The following KCNQ1 variants were observed in gnomAD, a reference collection of about 807,000 sequenced individuals.
KCNQ1 encodes the protein potassium voltage-gated channel subfamily Q member 1, also known as potassium voltage-gated channel subfamily KQT member 1.
A neutral mutation model predicts 72.4 loss-of-function variants in KCNQ1; 49 were observed. The ratio of observed to expected loss-of-function variants is 0.68; its 90% confidence interval spans 0.54 to 0.86. The LOEUF (loss-of-function observed/expected upper bound fraction) is 0.86, where lower values mean the gene tolerates loss of function less well. KCNQ1 is among the 40% of genes least tolerant of loss of function. KCNQ1 has a pLI of 0.00. For missense variants in KCNQ1, 790 were observed against 945.1 expected, an observed-to-expected ratio of 0.84 and a Z score of 2.15; for synonymous variants, 450 against 412.6, an observed-to-expected ratio of 1.09 and a Z score of -1.10.
intron 11 of KCNQ1, chr11:2,675,927 T>C (rs183159598): frequency 2.5e-6 from 1 of 398,648 alleles, no homozygotes; most frequent in East Asian, 3.6e-5. Context: ...TACAACAGTC[T>C]TTACACACAT....
rs1167930553 is a variant in KCNQ1 at position 2,482,482 on chromosome 11, G to A, written c.386+36998G>A. Among the ~76,000 whole-genome samples, 1 of 152,024 alleles carries A rather than the reference G, an allele frequency of 6.6e-6. No individual in the cohort carries two copies. The highest frequency in any genetic ancestry group is 2.4e-5 in the African/African-American group (1 of 41,390). ...ATCCTTGTACACTCATTTTTGCCTG[G>A]AACTCAAGATTATTTCCTTGGGTCA... On this transcript the variant is annotated intron_variant, in intron 1 of 15. Transcript: ENST00000155840. This position sits in a 1 kb window ranked among gnomAD's most constrained non-coding sequence, Gnocchi z 5.7.
Position 2,477,932 on chromosome 11 carries a change from G to GGGGTTC in KCNQ1, c.386+32449_386+32454dup, listed in dbSNP as rs1481248233. On this transcript the variant is annotated intron_variant, in intron 1 of 15. Transcript: ENST00000155840. The surrounding 1 kb of genome is among the most constrained non-coding windows in gnomAD (Gnocchi z 5.0). ...TCAAGGAAACCCCGTGGCAGGGGCA[G>GGGGTTC]GGGTTCAAAGAGCTGGTGGTTGTAG... Among the ~76,000 whole-genome samples the GGGGTTC allele has an allele frequency of 1.3e-5, 2 of 152,178 alleles. No individual in the cohort carries two copies. The highest frequency in any genetic ancestry group is 4.8e-5 in the African/African-American group (2 of 41,444).
chr11:2,466,382 G>A (rs1056335304), intron 1 of KCNQ1, among the ~76,000 whole-genome samples: 2 of 152,164 alleles, frequency 1.3e-5, no homozygotes, highest in African/African-American at 4.8e-5. Flanking sequence ...AGGAGGAGGG[G>A]GGCTCCCAGA....
chr11:2,662,495 C>T (rs1849979827), intron 11 of KCNQ1: 1 of 447,962 alleles, frequency 2.2e-6, no homozygotes, highest in Non-Finnish European at 3.9e-6. Flanking sequence ...CTGCTGCTGT[C>T]CTCAGGGGCT....
At chr11:2,521,226 C>T (rs1847376664) in intron 1 of KCNQ1, among the ~76,000 whole-genome samples, 2 of 152,152 alleles carry the variant, frequency 1.3e-5, no homozygotes, top group African/African-American at 4.8e-5. Flanking sequence ...ACTCCCTCTC[C>T]CCGGCCCCGC....
At position 2,653,185 on chromosome 11, in the gene KCNQ1, C is replaced by G. The variant is rs921159101; in HGVS notation, c.1394-8776C>G. The G allele has an allele frequency of 7.5e-6, 3 of 398,614 alleles. No individual in the cohort carries two copies. Among genetic ancestry groups the G allele is most frequent in the African/African-American group, 2.1e-5 (1 of 48,654 alleles). 24.7% of individuals were successfully genotyped at this position (398,614 alleles called of 1,614,324 possible). ...CTTAGGAAATCCCTTTCCAAGAGTT[C>G]CCTGTGCTGTTGCAGGGCTAGGGCC... On this transcript the variant is annotated intron_variant, in intron 10 of 15. Coordinates refer to ENST00000155840, the MANE Select transcript of KCNQ1 (RefSeq NM_000218.3). The surrounding 1 kb of genome is among the most constrained non-coding windows in gnomAD (Gnocchi z 5.3).
chr11:2,688,997 G>A, intron 11 of KCNQ1: 1 of 398,746 alleles, frequency 2.5e-6, no homozygotes, highest in East Asian at 3.6e-5. Context: ...AGGGGAGCCT[G>A]CAGGTCCCTG....
chr11:2,474,316 G>A (rs1287119433), intron 1 of KCNQ1, among the ~76,000 whole-genome samples: 6 of 152,126 alleles, frequency 3.9e-5, no homozygotes, highest in South Asian at 2.1e-4. Context: ...GGAAGAGGGC[G>A]AGGGTGAGCC....
At chr11:2,619,252 C>T in intron 10 of KCNQ1, 1 of 398,478 alleles carries the variant, frequency 2.5e-6, no homozygotes. Context: ...TTGCCTTGTA[C>T]TGGTTCATAG....
chr11:2,821,657 G>C (rs1847740619), intron 15 of KCNQ1, among the ~76,000 whole-genome samples: 1 of 152,140 alleles, frequency 6.6e-6, no homozygotes, highest in African/African-American at 2.4e-5. Context: ...CTGCCCTTCT[G>C]CTGGAAACCC....
intron 4 of KCNQ1, 133 bp from the exon 5 acceptor site, chr11:2,571,880 C>A: frequency 1.4e-6 from 1 of 732,352 alleles, no homozygotes. Flanking sequence ...GACATATACC[C>A]AGCCTCCCCA....
At chr11:2,776,095 C>T in intron 13 of KCNQ1, 41 bp downstream of exon 13, 1 of 1,489,222 alleles carries the variant, frequency 6.7e-7, no homozygotes, top group South Asian at 1.2e-5. Flanking sequence ...TGCCCAGGTC[C>T]TGCCCAGCCC....
rs542398915 is a variant in KCNQ1 at position 2,827,703 on chromosome 11, C to T, written c.1795-20064C>T. On this transcript the variant is annotated intron_variant, in intron 15 of 15. Transcript: ENST00000155840. This position sits in a 1 kb window ranked among gnomAD's most constrained non-coding sequence, Gnocchi z 6.7. Reference sequence around the variant, plus strand: ...CTGTTTTGCCAGAGGGAAAATTCCACATGTGGCTTGGAGGCCAGACCAGAA... The same window carrying T: ...CTGTTTTGCCAGAGGGAAAATTCCATATGTGGCTTGGAGGCCAGACCAGAA... Among the ~76,000 whole-genome samples, 14 of 151,890 alleles carry T rather than the reference C, an allele frequency of 9.2e-5. No individual in the cohort carries two copies. Among genetic ancestry groups the T allele is most frequent in the Non-Finnish European group, 1.8e-4 (12 of 67,998 alleles).
In KCNQ1 at chr11:2,495,298, T is replaced by C. The variant is rs1057277528; in HGVS notation, c.387-32630T>C. 1.3e-5 allele frequency among the ~76,000 whole-genome samples: 2 copies of C among 152,202 alleles called. No individual in the cohort carries two copies. The highest frequency in any genetic ancestry group is 1.5e-5 in the Non-Finnish European group (1 of 68,044). ...TTCAAAAAACCAGCTCCTGGATTCA[T>C]TGATTTTTTTGGAAGGGTTTTTCAT... is the stretch of plus-strand genomic sequence containing the variant. On this transcript the variant is annotated intron_variant, in intron 1 of 15. Transcript: ENST00000155840. This position sits in a 1 kb window ranked among gnomAD's most constrained non-coding sequence, Gnocchi z 4.6.
intron 2 of KCNQ1, among the ~76,000 whole-genome samples, chr11:2,528,287 C>G (rs979999628): frequency 3.3e-5 from 5 of 152,182 alleles, no homozygotes; most frequent in African/African-American, 1.2e-4. Context: ...GGCTTCCAGG[C>G]TGGGCTGGAA....
rs1207432893 is a variant in KCNQ1, at chr11:2,488,028, A to G, written c.387-39900A>G. ...TTCACATATGGTTTTTATTATGTTA[A>G]GGTAGTTTCCTTCTATTCCTAGTTT... On this transcript the variant is annotated intron_variant, in intron 1 of 15. Transcript: ENST00000155840. The surrounding 1 kb of genome is among the most constrained non-coding windows in gnomAD (Gnocchi z 5.1). Among the ~76,000 whole-genome samples the G allele has an allele frequency of 6.6e-6, 1 of 152,116 alleles. No homozygotes were observed. Among genetic ancestry groups the G allele is most frequent in the Non-Finnish European group, 1.5e-5 (1 of 68,004 alleles).
At chr11:2,646,735 C>G (rs1161876117) in intron 10 of KCNQ1, 1 of 398,450 alleles carries the variant, frequency 2.5e-6, no homozygotes, top group Non-Finnish European at 4.4e-6. Flanking sequence ...AGGACAGTCT[C>G]AAACTCCTGG....
intron 15 of KCNQ1, among the ~76,000 whole-genome samples, chr11:2,822,207 A>C (rs1335000602): frequency 1.3e-5 from 2 of 152,194 alleles, no homozygotes; most frequent in African/African-American, 2.4e-5. Context: ...AGCAGGTATC[A>C]GCCCTGCTGA....
rs1285640435 is a variant in KCNQ1, at chr11:2,526,777, T to C, written c.387-1151T>C. On this transcript the variant is annotated intron_variant, in intron 1 of 15. Transcript: ENST00000155840. This position sits in a 1 kb window ranked among gnomAD's most constrained non-coding sequence, Gnocchi z 6.1. ...ATGAGAGGCAATGCAGGGGGCCTTCTGGCTGTCCTGGGGTGGGTTAGAAGC... is the reference window on the plus strand; with the variant it reads ...ATGAGAGGCAATGCAGGGGGCCTTCCGGCTGTCCTGGGGTGGGTTAGAAGC... 6.6e-6 allele frequency among the ~76,000 whole-genome samples: 1 copy of C among 152,008 alleles called. No homozygotes were observed. Among genetic ancestry groups the C allele is most frequent in the Non-Finnish European group, 1.5e-5 (1 of 67,944 alleles).
Sources: gnomAD v4.1 joint callset for allele counts (sites outside exome capture counted in the v4.1 genomes callset) on GRCh38, gnomAD v4.1.1 for gene constraint, Gnocchi (gnomAD v3.1) non-coding constraint, MANE v1.5 for transcripts, NCBI Gene and HGNC (gene_info 2026-07-23, HGNC 2026-07-21) for gene names.